KLF8: variants seen among roughly 807,000 people sequenced by gnomAD.
KLF8 encodes the protein Krueppel-like factor 8.
A neutral mutation model predicts 18.2 loss-of-function variants in KLF8; 10 were observed. That is an observed-to-expected ratio of 0.55 (90% CI 0.34 to 0.93). The LOEUF (loss-of-function observed/expected upper bound fraction) is 0.93. Among genes scored for constraint, KLF8 ranks in the 40% least tolerant of loss-of-function variants. KLF8 has a pLI of 0.02. For missense variants in KLF8, 264 were observed against 277.9 expected, an observed-to-expected ratio of 0.95 and a Z score of 0.36; for synonymous variants, 109 against 97.3, an observed-to-expected ratio of 1.12 and a Z score of -0.71.
chrX:55,975,852 G>A, the KLF8 span, among the ~76,000 whole-genome samples: 21 of 112,089 alleles, frequency 1.9e-4, no homozygotes, highest in African/African-American at 6.8e-4. Context: ...GCTTACGCCT[G>A]TAATCCCGGC....
chrX:56,006,902 C>T, the KLF8 span, among the ~76,000 whole-genome samples: 64 of 111,830 alleles, frequency 5.7e-4, no homozygotes, highest in African/African-American at 2.0e-3. Flanking sequence ...CCCAGGCCCC[C>T]GGATAGCAGA....
At chrX:55,968,560 T>C in the KLF8 span, among the ~76,000 whole-genome samples, 4 of 111,886 alleles carry the variant, frequency 3.6e-5, no homozygotes, top group Non-Finnish European at 7.5e-5. Context: ...AATCCCCACA[T>C]GTCATGGGAG....
chrX:56,196,056 C>G, the KLF8 span, among the ~76,000 whole-genome samples: 655 of 111,485 alleles, frequency 5.9e-3, 10 homozygotes, highest in Middle Eastern at 9.3e-3. Context: ...ACCACCAGGA[C>G]TGCCTTCAAG....
At chrX:56,050,595 T>A in the KLF8 span, among the ~76,000 whole-genome samples, 2 of 112,510 alleles carry the variant, frequency 1.8e-5, no homozygotes, top group Admixed American at 1.9e-4. Flanking sequence ...AGATTCTTAA[T>A]CCTGAGTTCT....
the KLF8 span, among the ~76,000 whole-genome samples, chrX:56,217,595 A>AT: frequency 9.1e-6 from 1 of 110,015 alleles, no homozygotes; most frequent in Non-Finnish European, 1.9e-5. Context: ...TTTAAAAAAT[A>AT]TTTTTAGTAG....
the KLF8 span, among the ~76,000 whole-genome samples, chrX:56,152,888 G>C: frequency 1.8e-5 from 2 of 111,961 alleles, no homozygotes; most frequent in Non-Finnish European, 3.8e-5. Flanking sequence ...AACAAGCCCA[G>C]ACAGCTTAAG....
At chrX:56,061,466 G>A in the KLF8 span, among the ~76,000 whole-genome samples, 1 of 111,725 alleles carries the variant, frequency 9.0e-6, no homozygotes, top group African/African-American at 3.3e-5. Context: ...CCATCTAGTT[G>A]TGTGGTTTTT....
chrX:55,933,480 T>G, the KLF8 span, among the ~76,000 whole-genome samples: 1 of 112,395 alleles, frequency 8.9e-6, no homozygotes, highest in African/African-American at 3.2e-5. Flanking sequence ...GTTATATTAT[T>G]TAAAATGATC....
At chrX:55,994,645 A>T in the KLF8 span, among the ~76,000 whole-genome samples, 2 of 111,395 alleles carry the variant, frequency 1.8e-5, no homozygotes, top group East Asian at 5.6e-4. Context: ...GTTTCAAAGA[A>T]TTCTTTGATT....
the KLF8 span, among the ~76,000 whole-genome samples, chrX:55,942,491 A>G: frequency 1.8e-5 from 2 of 110,718 alleles, no homozygotes; most frequent in African/African-American, 6.6e-5. Context: ...TACGTCATGC[A>G]CTTGTACCCT....
the KLF8 span, among the ~76,000 whole-genome samples, chrX:56,052,691 T>C: frequency 9.6e-4 from 108 of 112,205 alleles, no homozygotes; most frequent in South Asian, 4.4e-3. Flanking sequence ...CAGGGACATT[T>C]AAGTCTGCAG....
chrX:56,141,322 G>C, the KLF8 span, among the ~76,000 whole-genome samples: 1 of 111,589 alleles, frequency 9.0e-6, no homozygotes, highest in Non-Finnish European at 1.9e-5. Context: ...ATTTTCCTAT[G>C]AATTTCCAAT....
chrX:56,085,269 C>T, the KLF8 span, among the ~76,000 whole-genome samples: 1 of 111,380 alleles, frequency 9.0e-6, no homozygotes, highest in African/African-American at 3.3e-5. Flanking sequence ...ACACACACCC[C>T]ACATTATAGG....
the KLF8 span, among the ~76,000 whole-genome samples, chrX:56,008,750 C>T: frequency 8.9e-6 from 1 of 112,239 alleles, no homozygotes; most frequent in Non-Finnish European, 1.9e-5. Flanking sequence ...TTTTTTCCTG[C>T]TGGTGCCAGG....
chrX:56,143,651 A>T, the KLF8 span, among the ~76,000 whole-genome samples: 1 of 111,391 alleles, frequency 9.0e-6, no homozygotes, highest in African/African-American at 3.3e-5. Flanking sequence ...CCCAACCCTT[A>T]CCATTCTTTA....
At chrX:56,037,101 A>G in the KLF8 span, among the ~76,000 whole-genome samples, 3 of 108,640 alleles carry the variant, frequency 2.8e-5, no homozygotes, top group African/African-American at 1.0e-4. Context: ...ATTTGCAAAC[A>G]TGTACAATTT....
the KLF8 span, among the ~76,000 whole-genome samples, chrX:55,944,647 G>C: frequency 3.6e-5 from 4 of 111,501 alleles, no homozygotes; most frequent in African/African-American, 6.5e-5. Flanking sequence ...CCTGATGGTA[G>C]TTTGTGTTTC....
chrX:56,063,631 G>A, the KLF8 span, among the ~76,000 whole-genome samples: 13 of 111,821 alleles, frequency 1.2e-4, no homozygotes, highest in African/African-American at 1.9e-4. Context: ...AGACATGGGC[G>A]TCAGGGACCC....
At chrX:56,107,023 G>A in the KLF8 span, among the ~76,000 whole-genome samples, 109 of 111,930 alleles carry the variant, frequency 9.7e-4, no homozygotes, top group Middle Eastern at 9.2e-3. Context: ...CAGATCCTGT[G>A]CACCTGGGTA....
Sources: gnomAD v4.1 joint callset for allele counts (sites outside exome capture counted in the v4.1 genomes callset) on GRCh38, gnomAD v4.1.1 for gene constraint, MANE v1.5 for transcripts, NCBI Gene and HGNC (gene_info 2026-07-23, HGNC 2026-07-21) for gene names.